PXDNL: variants seen among roughly 807,000 people sequenced by gnomAD.
PXDNL encodes peroxidasin like, also known as probable oxidoreductase PXDNL.
PXDNL carries 145 observed loss-of-function variants against 150.8 expected under a neutral mutation model. The ratio of observed to expected loss-of-function variants is 0.96; its 90% CI spans 0.84 to 1.10. PXDNL has a LOEUF of 1.10. PXDNL is among the 50% of genes least tolerant of loss of function. The pLI, the probability that PXDNL is intolerant of heterozygous loss-of-function variation, is 0.00. For synonymous variants in PXDNL, 757 were observed against 725.7 expected (o/e 1.04, Z -0.69); for missense variants, 2,087 against 1,873.9 (o/e 1.11, Z -2.10).
At chr8:51,602,574 TCAAATGTTATTTGAAA>T (rs1396701645) in intron 2 of PXDNL, among the ~76,000 whole-genome samples, 1 of 151,898 alleles carries the variant, frequency 6.6e-6, no homozygotes, top group Non-Finnish European at 1.5e-5. Context: ...ACTTCAAAAT[TCAAATGTTATTTGAAA>T]CAAATGTTAT....
At chr8:51,698,066 T>C (rs1816182193) in intron 1 of PXDNL, among the ~76,000 whole-genome samples, 2 of 152,204 alleles carry the variant, frequency 1.3e-5, no homozygotes, top group Admixed American at 1.3e-4. Flanking sequence ...CAATAAATTT[T>C]GCTGGTGGAG....
chr8:51,600,696 CTT>C (rs1266641910), intron 2 of PXDNL, among the ~76,000 whole-genome samples: 40 of 134,330 alleles, frequency 3.0e-4, no homozygotes, highest in Admixed American at 3.1e-4. Context: ...TAAATTACAT[CTT>C]ATATAAATTA....
intron 16 of PXDNL, among the ~76,000 whole-genome samples, chr8:51,410,594 AG>A (rs1359209868): frequency 1.3e-5 from 2 of 152,232 alleles, no homozygotes; most frequent in African/African-American, 4.8e-5. Flanking sequence ...AGGAGAATAA[AG>A]AAAGGGTAAG....
chr8:51,684,439 G>T (rs147927124), intron 1 of PXDNL, among the ~76,000 whole-genome samples: 99 of 152,252 alleles, frequency 6.5e-4, no homozygotes, highest in Non-Finnish European at 1.1e-3. Flanking sequence ...AATCGATGTG[G>T]AAAACCTGTG....
chr8:51,414,326 T>C (rs568035377), intron 14 of PXDNL, among the ~76,000 whole-genome samples: 16 of 152,090 alleles, frequency 1.1e-4, no homozygotes, highest in Middle Eastern at 3.4e-3. Context: ...GGAAAATTCC[T>C]GTATATTATG....
At chr8:51,775,466 C>A (rs61326367) in intron 1 of PXDNL, among the ~76,000 whole-genome samples, 17,628 of 152,096 alleles carry the variant, frequency 0.12, 1,238 homozygotes, top group East Asian at 0.16. Flanking sequence ...CCCTGTGTTG[C>A]GGGAAGTCAA....
chr8:51,411,882 C>T (rs1165249385), intron 15 of PXDNL, among the ~76,000 whole-genome samples: 1 of 152,152 alleles, frequency 6.6e-6, no homozygotes, highest in Non-Finnish European at 1.5e-5. Flanking sequence ...TCACTGAGAG[C>T]TCTGACAAGC....
intron 1 of PXDNL, among the ~76,000 whole-genome samples, chr8:51,714,896 T>A (rs1442639979): frequency 6.6e-6 from 1 of 152,238 alleles, no homozygotes; most frequent in Non-Finnish European, 1.5e-5. Context: ...GTTGTTAATA[T>A]TCTTCCTTCT....
chr8:51,638,659 AAT>A (rs1814665991), intron 2 of PXDNL, among the ~76,000 whole-genome samples: 3 of 152,176 alleles, frequency 2.0e-5, no homozygotes, highest in Non-Finnish European at 4.4e-5. Context: ...AACTATCCTA[AAT>A]ATATATGCAC....
At chr8:51,384,691 T>A (rs1170542781) in intron 17 of PXDNL, among the ~76,000 whole-genome samples, 1 of 152,130 alleles carries the variant, frequency 6.6e-6, no homozygotes, top group East Asian at 1.9e-4. Context: ...TAAACAAGTA[T>A]ATAATACTAT....
At chr8:51,344,940 A>G (rs1045975557) in intron 20 of PXDNL, among the ~76,000 whole-genome samples, 4 of 152,200 alleles carry the variant, frequency 2.6e-5, no homozygotes, top group Admixed American at 6.5e-5. Flanking sequence ...TTCTTGTCCA[A>G]CAACACTATC....
intron 4 of PXDNL, among the ~76,000 whole-genome samples, chr8:51,534,324 C>T (rs1225195735): frequency 3.4e-5 from 5 of 147,122 alleles, no homozygotes; most frequent in African/African-American, 1.3e-4. Context: ...GCGTCTACGC[C>T]CGGCAGCCAC....
intron 14 of PXDNL, among the ~76,000 whole-genome samples, chr8:51,416,389 T>A (rs897854480): frequency 1.3e-4 from 20 of 152,240 alleles, no homozygotes; most frequent in Admixed American, 4.6e-4. Flanking sequence ...GTTTTTGCTT[T>A]TATTCTGTTT....
At chr8:51,331,815 C>T (rs1205130393) in intron 21 of PXDNL, among the ~76,000 whole-genome samples, 3 of 152,088 alleles carry the variant, frequency 2.0e-5, no homozygotes, top group Non-Finnish European at 2.9e-5. Context: ...CATCCCCATC[C>T]CCCACAGCAG....
chr8:51,736,640 C>T (rs1012964380), intron 1 of PXDNL, among the ~76,000 whole-genome samples: 2 of 152,224 alleles, frequency 1.3e-5, no homozygotes, highest in African/African-American at 4.8e-5. Context: ...AAGTGTGTCC[C>T]TGGCAGCTAT....
intron 6 of PXDNL, among the ~76,000 whole-genome samples, chr8:51,476,682 T>C (rs192159922): frequency 2.9e-4 from 44 of 152,288 alleles, no homozygotes; most frequent in Non-Finnish European, 5.3e-4. Context: ...TTTTCATTTC[T>C]CCCAATGGGT....
chr8:51,409,678 G>A (rs1253586160), intron 16 of PXDNL, 117 bp from the exon 17 acceptor site: 1 of 742,636 alleles, frequency 1.3e-6, no homozygotes, highest in African/African-American at 1.8e-5. Context: ...GTGAAAAGAG[G>A]CCTTTCTTAC....
rs184240454 is a variant in PXDNL, at chr8:51,377,806, G to A, written c.3558-3075C>T. 1.3e-4 allele frequency among the ~76,000 whole-genome samples: 20 copies of A among 152,292 alleles called. 1 individual carries two copies. Among genetic ancestry groups the A allele is most frequent in the Middle Eastern group, 3.4e-3 (1 of 294 alleles). On this transcript the variant is annotated intron_variant, in intron 17 of 22. Coordinates refer to ENST00000356297, the MANE Select transcript of PXDNL (RefSeq NM_144651.5). ...GCCATGCCTGAGCCTCCCCCACACC[G>A]CGGGCTCCTGCGCAGCCCCAGCCTC...
chr8:51,358,021 A>G lies in PXDNL; in HGVS notation c.3902-12074T>C, dbSNP rs558596095. ...AGGTGTCTGTTTAGTGCAGAAGAAAAGATTCATTATAAAAAAGAAAGCCAT... is the reference window on the plus strand; with the variant it reads ...AGGTGTCTGTTTAGTGCAGAAGAAAGGATTCATTATAAAAAAGAAAGCCAT... On this transcript the variant is annotated intron_variant, in intron 19 of 22. Coordinates refer to ENST00000356297, the MANE Select transcript of PXDNL (RefSeq NM_144651.5). Among the ~76,000 whole-genome samples the G allele has an allele frequency of 3.0e-3, 450 of 152,346 alleles. 2 individuals carry two copies. The highest frequency in any genetic ancestry group is 0.01 in the African/African-American group (427 of 41,586).
Sources: gnomAD v4.1 joint callset for allele counts (sites outside exome capture counted in the v4.1 genomes callset) on GRCh38, gnomAD v4.1.1 for gene constraint, MANE v1.5 for transcripts, NCBI Gene and HGNC (gene_info 2026-07-23, HGNC 2026-07-21) for gene names.